Variants in ERC2 observed in about 807,000 individuals in gnomAD.
The protein encoded by ERC2 is ELKS/RAB6-interacting/CAST family member 2.
Under a neutral mutation model 114.8 loss-of-function variants are expected in ERC2, and 42 were observed. The ratio of observed to expected loss-of-function variants is 0.37; its 90% CI spans 0.29 to 0.47. ERC2 has a LOEUF of 0.47. ERC2 is among the 20% of genes least tolerant of loss of function. The probability of loss-of-function intolerance (pLI) is 0.99; values close to 1 mark genes in which losing one functional copy is unlikely to be tolerated. For missense variants in ERC2, 939 were observed against 1,150.7 expected (o/e 0.82, Z 2.66); for synonymous variants, 454 against 425.5 (o/e 1.07, Z -0.82).
At chr3:55,822,551 T>G (rs2060167370) in intron 14 of ERC2, among the ~76,000 whole-genome samples, 1 of 132,878 alleles carries the variant, frequency 7.5e-6, no homozygotes, top group East Asian at 2.1e-4. Context: ...TTACAAGAAT[T>G]TTTTTTTCTT....
chr3:55,823,135 T>C (rs748502541), intron 14 of ERC2, among the ~76,000 whole-genome samples: 9 of 152,156 alleles, frequency 5.9e-5, no homozygotes, highest in Non-Finnish European at 1.2e-4. Flanking sequence ...TCCACTCAAT[T>C]ACATTTTAAG....
chr3:56,282,051 T>C (rs2054383426), intron 3 of ERC2, among the ~76,000 whole-genome samples: 1 of 152,204 alleles, frequency 6.6e-6, no homozygotes, highest in Non-Finnish European at 1.5e-5. Context: ...GAGCCAAGCC[T>C]GTGCAAAGTG....
intron 7 of ERC2, among the ~76,000 whole-genome samples, chr3:56,071,795 T>G (rs988514040): frequency 6.6e-6 from 1 of 152,222 alleles, no homozygotes; most frequent in Admixed American, 6.5e-5. Flanking sequence ...GCTACTGAAT[T>G]TGTTGCTTCA....
chr3:55,650,949 C>T (rs559193305), intron 17 of ERC2, among the ~76,000 whole-genome samples: 1 of 151,546 alleles, frequency 6.6e-6, no homozygotes. Context: ...CGGGTTCAAC[C>T]AATTCTCCCT....
intron 3 of ERC2, among the ~76,000 whole-genome samples, chr3:56,212,512 T>C (rs1401916467): frequency 6.6e-6 from 1 of 152,196 alleles, no homozygotes; most frequent in Non-Finnish European, 1.5e-5. Flanking sequence ...GGTGGGAATG[T>C]AAATTAATAC....
chr3:55,942,508 G>A (rs1318111780), intron 13 of ERC2, among the ~76,000 whole-genome samples: 7 of 148,018 alleles, frequency 4.7e-5, no homozygotes, highest in East Asian at 2.0e-4. Flanking sequence ...CGTTTTAGCC[G>A]GGATGGTCTC....
At chr3:56,465,185 G>C (rs1315050063) in intron 1 of ERC2, among the ~76,000 whole-genome samples, 1 of 152,176 alleles carries the variant, frequency 6.6e-6, no homozygotes, top group East Asian at 1.9e-4. Context: ...GATCACCTGA[G>C]GTCAGGAGTT....
intron 16 of ERC2, among the ~76,000 whole-genome samples, chr3:55,697,932 A>C (rs2063019974): frequency 6.6e-6 from 1 of 152,018 alleles, no homozygotes; most frequent in Admixed American, 6.6e-5. Context: ...GAGTTGGTTT[A>C]GTTAGCAGGA....
chr3:56,169,140 T>C (rs935577825), intron 4 of ERC2, among the ~76,000 whole-genome samples: 2 of 152,188 alleles, frequency 1.3e-5, no homozygotes, highest in Non-Finnish European at 2.9e-5. Flanking sequence ...AGTTAACAAG[T>C]TCACCAAATC....
intron 4 of ERC2, among the ~76,000 whole-genome samples, chr3:56,170,613 T>TTTTTTAGGTAG (rs2082606749): frequency 6.7e-6 from 1 of 149,488 alleles, no homozygotes; most frequent in Non-Finnish European, 1.5e-5. Context: ...TTTTTTTTTT[T>TTTTTTAGGTAG]TGAGGTAGTG....
chr3:56,385,512 T>C (rs540615044), intron 2 of ERC2, among the ~76,000 whole-genome samples: 40 of 152,270 alleles, frequency 2.6e-4, no homozygotes, highest in African/African-American at 8.4e-4. Flanking sequence ...CCATACACCA[T>C]ATACCAGATT....
chr3:56,257,479 T>C (rs1381806297), intron 3 of ERC2, among the ~76,000 whole-genome samples: 2 of 152,196 alleles, frequency 1.3e-5, no homozygotes, highest in African/African-American at 2.4e-5. Flanking sequence ...TAAGGCTCCA[T>C]TTCCCACCCT....
At chr3:56,033,762 T>C (rs2074621321) in intron 7 of ERC2, among the ~76,000 whole-genome samples, 1 of 152,200 alleles carries the variant, frequency 6.6e-6, no homozygotes, top group South Asian at 2.1e-4. Context: ...TTGAATCATG[T>C]AATCATCCCT....
intron 4 of ERC2, among the ~76,000 whole-genome samples, chr3:56,155,445 T>C (rs1048896081): frequency 8.6e-5 from 13 of 151,908 alleles, no homozygotes; most frequent in South Asian, 2.1e-4. Context: ...ATCTGAATGA[T>C]TGGGCCCTTA....
intron 14 of ERC2, among the ~76,000 whole-genome samples, chr3:55,735,447 C>T (rs1233532606): frequency 6.6e-6 from 1 of 152,024 alleles, no homozygotes; most frequent in Non-Finnish European, 1.5e-5. Flanking sequence ...GTGAAAGAGA[C>T]CAAAGTAGAA....
chr3:55,828,853 T>C (rs1252506358), intron 14 of ERC2, among the ~76,000 whole-genome samples: 1 of 152,194 alleles, frequency 6.6e-6, no homozygotes, highest in African/African-American at 2.4e-5. Context: ...GTTCAAAATA[T>C]TCAGGCCTGG....
intron 15 of ERC2, among the ~76,000 whole-genome samples, chr3:55,726,585 C>A (rs2064934148): frequency 1.3e-5 from 2 of 152,204 alleles, no homozygotes; most frequent in African/African-American, 4.8e-5. Context: ...TGCCTTCTCC[C>A]ATTTTTTACC....
intron 1 of ERC2, 127 bp from the exon 2 acceptor site, chr3:56,435,274 A>T (rs1037498312): frequency 6.5e-6 from 2 of 308,560 alleles, no homozygotes; most frequent in Admixed American, 9.2e-5. Context: ...ATAGACAGAT[A>T]GAAAGAGCCA....
intron 17 of ERC2, among the ~76,000 whole-genome samples, chr3:55,673,958 G>T (rs912141361): frequency 2.0e-5 from 3 of 151,918 alleles, no homozygotes; most frequent in Non-Finnish European, 2.9e-5. Flanking sequence ...CTGACTCAGG[G>T]CAATCAGAGG....
Sources: gnomAD v4.1 joint callset for allele counts (sites outside exome capture counted in the v4.1 genomes callset) on GRCh38, gnomAD v4.1.1 for gene constraint, MANE v1.5 for transcripts, NCBI Gene and HGNC (gene_info 2026-07-23, HGNC 2026-07-21) for gene names.